The following DOCK8 variants were observed in gnomAD, a reference collection of about 807,000 sequenced individuals.
The protein encoded by DOCK8 is dedicator of cytokinesis protein 8.
Under a neutral mutation model 245.6 loss-of-function variants are expected in DOCK8, and 141 were observed. The ratio of observed to expected loss-of-function variants is 0.57; its 90% CI spans 0.50 to 0.66. The LOEUF (loss-of-function observed/expected upper bound fraction) is 0.66, where lower values mean the gene tolerates loss of function less well. Ranked by LOEUF, DOCK8 falls within the 30% of genes least tolerant of loss-of-function variation. The pLI, the probability that DOCK8 is intolerant of heterozygous loss-of-function variation, is 0.00. For missense variants in DOCK8, 2,965 were observed against 2,603.4 expected (o/e 1.14, Z -3.02); for synonymous variants, 1,168 against 970.2 (o/e 1.20, Z -3.79).
intron 26 of DOCK8, among the ~76,000 whole-genome samples, chr9:401,108 C>CCCATCACCACCACCACCTCTT (rs1554692808): frequency 1.3e-5 from 2 of 150,434 alleles, no homozygotes; most frequent in African/African-American, 4.9e-5. Flanking sequence ...CACCACCTCT[C>CCCATCACCACCACCACCTCTT]CCATCACCAC....
chr9:405,007 T>G lies in DOCK8; in HGVS notation c.3324T>G (p.Asn1108Lys). Residue 1108 changes from asparagine to lysine, a missense_variant, in exon 27 of 48, where the codon AAT becomes AAG. Around this residue, in one of 3 missense-constraint regions of DOCK8, gnomAD observed 2,825 missense variants for 2,453.5 expected, o/e 1.15. Transcript: ENST00000432829. ...RILCSHEHYL[N>K]LNLFFMNADT... ...TCTGTAGCCATGAGCATTACCTCAA[T>G]CTGAACCTTTTTTTTATGAATGCTG... is the stretch of plus-strand genomic sequence containing the variant. The G allele has an allele frequency of 6.2e-7, 1 of 1,614,040 alleles. No homozygotes were observed. Among genetic ancestry groups the G allele is most frequent in the Non-Finnish European group, 8.5e-7 (1 of 1,179,958 alleles).
At chr9:387,887 T>G (rs931175466) in intron 23 of DOCK8, among the ~76,000 whole-genome samples, 1 of 152,214 alleles carries the variant, frequency 6.6e-6, no homozygotes, top group Non-Finnish European at 1.5e-5. Context: ...GCAGTTGCCA[T>G]GTTTTGACTT....
intron 1 of DOCK8, among the ~76,000 whole-genome samples, chr9:227,809 G>A (rs1388720331): frequency 6.6e-6 from 1 of 152,108 alleles, no homozygotes; most frequent in Non-Finnish European, 1.5e-5. Flanking sequence ...GAAGAGGAAT[G>A]GGCCTAGAGG....
chr9:303,557 A>G (rs1214358870), intron 4 of DOCK8, among the ~76,000 whole-genome samples: 2 of 152,176 alleles, frequency 1.3e-5, no homozygotes, highest in East Asian at 1.9e-4. Flanking sequence ...ACCAAATACC[A>G]CATGTTCTTA....
chr9:249,120 GA>G (rs1368269218), intron 1 of DOCK8, among the ~76,000 whole-genome samples: 31 of 152,198 alleles, frequency 2.0e-4, no homozygotes, highest in Non-Finnish European at 3.5e-4. Context: ...GCATATAGAT[GA>G]AAGATTGCTG....
At chr9:229,108 G>A (rs934056455) in intron 1 of DOCK8, among the ~76,000 whole-genome samples, 1 of 152,186 alleles carries the variant, frequency 6.6e-6, no homozygotes, top group Non-Finnish European at 1.5e-5. Flanking sequence ...CAAGTCATAA[G>A]GCAACTCAGC....
intron 46 of DOCK8, among the ~76,000 whole-genome samples, chr9:455,666 T>C (rs1227896002): frequency 4.6e-5 from 7 of 152,124 alleles, no homozygotes; most frequent in Non-Finnish European, 1.0e-4. Flanking sequence ...TTTCCTCCCT[T>C]TCACATTTCT....
rs117155264 is a variant in DOCK8 at position 464,962 on chromosome 9, C to T, written c.*743C>T. On this transcript the variant is annotated 3_prime_UTR_variant, in exon 48 of 48. Coordinates refer to ENST00000432829, the MANE Select transcript of DOCK8 (RefSeq NM_203447.4). ...TTTCACTTAAATGGAAACAATTCTCCGATAATGCTTTGCTTTTTTTCTTAT... is the reference window on the plus strand; with the variant it reads ...TTTCACTTAAATGGAAACAATTCTCTGATAATGCTTTGCTTTTTTTCTTAT... The T allele has an allele frequency of 0.027, 4,060 of 152,832 alleles. 78 individuals are homozygous for T. Among genetic ancestry groups the T allele is most frequent in the Admixed American group, 0.045 (689 of 15,344 alleles). The allele number at this position is 152,832 out of a possible 1,614,324, so 9.5% of individuals were successfully genotyped here. A position where few individuals can be genotyped will look rare whatever the true frequency, so the allele number is the denominator to read the frequency against.
At chr9:252,888 A>G (rs979669361) in intron 1 of DOCK8, among the ~76,000 whole-genome samples, 2 of 152,260 alleles carry the variant, frequency 1.3e-5, no homozygotes, top group African/African-American at 4.8e-5. Flanking sequence ...ATGCATTTAA[A>G]CTACTTATTA....
At chr9:313,591 G>A (rs1323830408) in intron 6 of DOCK8, among the ~76,000 whole-genome samples, 1 of 152,188 alleles carries the variant, frequency 6.6e-6, no homozygotes. Flanking sequence ...GTAGAAAGGT[G>A]GTTATAGCAG....
At chr9:390,687 T>C in intron 24 of DOCK8, 121 bp downstream of exon 24, 1 of 852,198 alleles carries the variant, frequency 1.2e-6, no homozygotes, top group Non-Finnish European at 2.0e-6. Context: ...TTTCTTGAAA[T>C]CTAATAATCT....
At chr9:400,327 A>G (rs1285142443) in intron 26 of DOCK8, among the ~76,000 whole-genome samples, 1 of 87,042 alleles carries the variant, frequency 1.1e-5, no homozygotes, top group Non-Finnish European at 2.3e-5. Context: ...CACCTCCACC[A>G]CCACCACCTC....
intron 14 of DOCK8, among the ~76,000 whole-genome samples, chr9:350,539 T>C (rs373429465): frequency 1.9e-4 from 29 of 152,314 alleles, no homozygotes; most frequent in East Asian, 7.7e-4. Context: ...GAGATAGTCT[T>C]ACTAGGGAGA....
chr9:228,859 A>G (rs2047044437), intron 1 of DOCK8, among the ~76,000 whole-genome samples: 1 of 152,180 alleles, frequency 6.6e-6, no homozygotes, highest in African/African-American at 2.4e-5. Flanking sequence ...GGGTGGCTCA[A>G]GTGAAGCTGT....
intron 2 of DOCK8, among the ~76,000 whole-genome samples, chr9:275,485 C>T (rs1350982449): frequency 6.6e-6 from 1 of 152,144 alleles, no homozygotes; most frequent in Non-Finnish European, 1.5e-5. Flanking sequence ...ATCAGAATTC[C>T]TGGGGGTGGG....
chr9:357,580 TGATACCA>T lies in DOCK8; in HGVS notation c.1680-10437_1680-10431del, dbSNP rs1444442855. Among the ~76,000 whole-genome samples, 418 of 148,496 alleles carry T rather than the reference TGATACCA, an allele frequency of 2.8e-3. 3 individuals are homozygous for T. The highest frequency in any genetic ancestry group is 0.011 in the African/African-American group (404 of 37,996). ...TTTATTGTAGAGTTTTTAAACAATT[TGATACCA>T]TTTTTTTTTTCTGGCGTCTTAACTG... On this transcript the variant is annotated intron_variant, in intron 14 of 47. Coordinates refer to ENST00000432829, the MANE Select transcript of DOCK8 (RefSeq NM_203447.4).
chr9:225,940 A>G (rs1007852385), intron 1 of DOCK8, among the ~76,000 whole-genome samples: 1 of 152,144 alleles, frequency 6.6e-6, no homozygotes, highest in African/African-American at 2.4e-5. Flanking sequence ...AGTGGAGTGA[A>G]TGAGGGGAGA....
At chr9:462,118 G>T (rs891327854) in intron 46 of DOCK8, among the ~76,000 whole-genome samples, 11 of 151,920 alleles carry the variant, frequency 7.2e-5, no homozygotes, top group Non-Finnish European at 1.6e-4. Context: ...TTCCCTCGTG[G>T]TGGTTGGTTT....
At chr9:415,027 C>T in intron 29 of DOCK8, 76 bp downstream of exon 29, 1 of 1,577,242 alleles carries the variant, frequency 6.3e-7, no homozygotes, top group Non-Finnish European at 8.7e-7. Flanking sequence ...AGATCTCTGT[C>T]ATTCGTTCCA....
Sources: allele counts gnomAD v4.1 joint callset (sites outside exome capture counted in the v4.1 genomes callset), GRCh38; gene constraint gnomAD v4.1.1; regional missense constraint gnomAD v4.1.1; transcripts MANE v1.5; gene names NCBI Gene and HGNC (gene_info 2026-07-23, HGNC 2026-07-21).